The following SQLE variants were observed in gnomAD, a reference collection of about 807,000 sequenced individuals.
SQLE encodes the protein squalene epoxidase, also known as squalene monooxygenase.
Under a neutral mutation model 60.7 loss-of-function variants are expected in SQLE, and 29 were observed. The observed-to-expected ratio is 0.48, with a 90% CI of 0.36 to 0.65. SQLE has a LOEUF of 0.65. Among genes scored for constraint, SQLE ranks in the 30% least tolerant of loss-of-function variants. The pLI is 0.00. For synonymous variants in SQLE, 237 were observed against 246.8 expected (o/e 0.96, Z 0.37); for missense variants, 605 against 684.1 (o/e 0.88, Z 1.29).
intron 7 of SQLE, among the ~76,000 whole-genome samples, chr8:125,013,564 G>T (rs28431161): frequency 0.14 from 20,685 of 151,816 alleles, 3,145 homozygotes; most frequent in African/African-American, 0.38. Context: ...TGTTGGCCAG[G>T]CTGGTCTCAA....
chr8:125,012,016 A>G (rs1815046848), intron 7 of SQLE, among the ~76,000 whole-genome samples: 1 of 151,804 alleles, frequency 6.6e-6, no homozygotes, highest in South Asian at 2.1e-4. Flanking sequence ...TTCAGGAAAC[A>G]GTGGAAACAA....
At position 124,998,893 on chromosome 8, in the gene SQLE, C is replaced by G. The variant is rs528558033; in HGVS notation, c.-511C>G. On this transcript the variant is annotated 5_prime_UTR_variant, in exon 1 of 11. Coordinates refer to ENST00000265896, the MANE Select transcript of SQLE (RefSeq NM_003129.4). ...TGAACCCGCGCCGGCCCGCAGCCCC[C>G]GTGCCTTCCGGCCGCTGCTCGCCGT... 4.5e-5 allele frequency: 17 copies of G among 374,836 alleles called. No homozygotes were observed. The South Asian group carries it at 1.3e-3, about 29-fold the overall frequency. The allele number at this position is 374,836 out of a possible 1,614,324, so 23.2% of individuals were successfully genotyped here.
intron 7 of SQLE, among the ~76,000 whole-genome samples, chr8:125,013,861 C>A (rs1815074654): frequency 6.6e-6 from 1 of 151,980 alleles, no homozygotes; most frequent in East Asian, 1.9e-4. Context: ...GTCAAAATTC[C>A]CTTGACTGAA....
Position 124,999,446 on chromosome 8 carries a change from A to G in SQLE, c.43A>G (p.Lys15Glu), listed in dbSNP as rs1464674083. Residue 15 changes from lysine to glutamate, a missense_variant, in exon 1 of 11, where the codon AAG becomes GAG. Physicochemically the swap from Lys to Glu is moderately conservative, Grantham distance 56 (BLOSUM62 1). Coordinates refer to ENST00000265896, the MANE Select transcript of SQLE (RefSeq NM_003129.4). ...LGIATFTYFY[K>E]KFGDFITLAN... ...CATTGCCACTTTCACCTATTTTTATAAGAAGTTCGGGGACTTCATCACTTT... is the reference window on the plus strand; with the variant it reads ...CATTGCCACTTTCACCTATTTTTATGAGAAGTTCGGGGACTTCATCACTTT... 6.5e-7 allele frequency: 1 copy of G among 1,530,242 alleles called. No homozygotes were observed. The highest frequency in any genetic ancestry group is 2.3e-5 in the East Asian group (1 of 42,874). The allele number at this position is 1,530,242 out of a possible 1,614,324, so 94.8% of individuals were successfully genotyped here.
At chr8:125,008,698 A>G (rs887199596) in intron 4 of SQLE, among the ~76,000 whole-genome samples, 5 of 152,152 alleles carry the variant, frequency 3.3e-5, no homozygotes, top group Non-Finnish European at 5.9e-5. Flanking sequence ...TGTTTCCCCC[A>G]TTGTCTGTCA....
At chr8:125,001,328 T>A (rs759673647) in intron 1 of SQLE, among the ~76,000 whole-genome samples, 7 of 152,090 alleles carry the variant, frequency 4.6e-5, no homozygotes, top group Non-Finnish European at 1.0e-4. Flanking sequence ...GCTTTCTCTT[T>A]ATTTTTTTGT....
At chr8:125,000,025 G>A in intron 1 of SQLE, 1 of 496,668 alleles carries the variant, frequency 2.0e-6, no homozygotes, top group Non-Finnish European at 3.9e-6. Context: ...AAAAGTTCTT[G>A]GGTAAGGATT....
rs1392139138 is a variant in SQLE at position 124,999,605 on chromosome 8, G to A, written c.202G>A (p.Asp68Asn). The part of the protein sequence containing the change: ...QSGSQFALFS[D>N]ILSGLPFIGF... ...CGGCTCCCAGTTCGCCCTCTTCTCG[G>A]ATATTCTCTCAGGCCTGCCTTTCAT... The change falls in exon 1 of 11, where the codon GAT (aspartate) becomes AAT (asparagine). Residue 68 changes from aspartate (D) to asparagine (N), a missense_variant. Asp to Asn is a conservative substitution (Grantham distance 23). Coordinates refer to ENST00000265896, the MANE Select transcript of SQLE (RefSeq NM_003129.4). The A allele has an allele frequency of 2.5e-6, 4 of 1,613,486 alleles. No homozygotes were observed. The African/African-American group carries it at 5.3e-5, about 22-fold the overall frequency.
At position 125,007,526 on chromosome 8, in the gene SQLE, TG is replaced by T. The variant is rs565126423; in HGVS notation, c.822+40del. The T allele has an allele frequency of 1.4e-4, 197 of 1,383,086 alleles. No individual in the cohort carries two copies. The African/African-American group carries it at 2.4e-3, about 17-fold the overall frequency. 85.7% of individuals were successfully genotyped at this position (1,383,086 alleles called of 1,614,324 possible). A position where few individuals can be genotyped will look rare whatever the true frequency, so the allele number is the denominator to read the frequency against. On this transcript the variant is annotated intron_variant, in intron 4 of 10. Coordinates refer to ENST00000265896, the MANE Select transcript of SQLE (RefSeq NM_003129.4). ...AATGTCACCTCTTCCTAAGAGATGT[TG>T]TTTTTCCTGCTTTTTCACTTACCCC...
chr8:125,020,888 C>G lies in SQLE; in HGVS notation c.1532+17C>G. ...GCTTTCTGTGTAAGTTGTGATGGCACAGAGGATACAAACCTGCCAGATTTT... is the reference window on the plus strand; with the variant it reads ...GCTTTCTGTGTAAGTTGTGATGGCAGAGAGGATACAAACCTGCCAGATTTT... On this transcript the variant is annotated intron_variant, in intron 10 of 10. Transcript: ENST00000265896. The G allele has an allele frequency of 1.3e-6, 2 of 1,587,804 alleles. No individual in the cohort carries two copies. The highest frequency in any genetic ancestry group is 2.2e-5 in the South Asian group (2 of 90,202).
chr8:125,010,343 C>T (rs1407538597), intron 6 of SQLE, among the ~76,000 whole-genome samples: 3 of 151,960 alleles, frequency 2.0e-5, no homozygotes, highest in Non-Finnish European at 4.4e-5. Context: ...TTTCATGGTA[C>T]AGTTTTTAGG....
intron 7 of SQLE, among the ~76,000 whole-genome samples, chr8:125,017,590 G>A (rs564775952): frequency 6.6e-6 from 1 of 152,256 alleles, no homozygotes; most frequent in East Asian, 1.9e-4. Flanking sequence ...GGGACCCCAG[G>A]AACCCACTTG....
chr8:125,019,091 A>C (rs996739453), intron 9 of SQLE: 29 of 177,604 alleles, frequency 1.6e-4, no homozygotes, highest in Non-Finnish European at 2.3e-5. Flanking sequence ...ACTAGTTTCA[A>C]TTTCTTTTTA....
chr8:125,020,938 T>G, intron 10 of SQLE, 67 bp downstream of exon 10: 2 of 1,063,372 alleles, frequency 1.9e-6, no homozygotes, highest in Non-Finnish European at 2.9e-6. Flanking sequence ...GTTGATGAAT[T>G]ACTGCAAATC....
intron 6 of SQLE, among the ~76,000 whole-genome samples, chr8:125,009,625 G>A (rs375520948): frequency 2.6e-5 from 4 of 151,948 alleles, no homozygotes; most frequent in African/African-American, 7.3e-5. Context: ...GAGAAACCCC[G>A]TCTCTACTAA....
rs142007037 is a variant in SQLE at position 125,014,509 on chromosome 8, GA to G, written c.1204+2878del. Among the ~76,000 whole-genome samples the G allele has an allele frequency of 6.9e-3, 1,045 of 152,060 alleles. 7 individuals carry two copies. The highest frequency in any genetic ancestry group is 0.024 in the African/African-American group (981 of 41,512). On this transcript the variant is annotated intron_variant, in intron 7 of 10. Transcript: ENST00000265896. ...AGATGCACTGTTAGGTTGTTTATTT[GA>G]TGTTTTCCTGCTTTTTTGATGTAGG...
At chr8:125,018,227 T>C (rs1815141793) in intron 8 of SQLE, 26 bp downstream of exon 8, 3 of 1,608,888 alleles carry the variant, frequency 1.9e-6, no homozygotes, top group Middle Eastern at 1.7e-4. Flanking sequence ...TTGACAAAAA[T>C]GTCTCAAAAT....
chr8:125,009,600 A>G (rs975110296), intron 6 of SQLE, among the ~76,000 whole-genome samples: 5 of 152,206 alleles, frequency 3.3e-5, no homozygotes, highest in Non-Finnish European at 7.3e-5. Flanking sequence ...GTTCAAGACC[A>G]GCCTGACCAA....
chr8:125,003,447 T>A lies in SQLE; in HGVS notation c.544+19T>A, dbSNP rs1355945749. ...CTTGGAGGTAGGTTCATATTGATTT[T>A]CAGGAGAGTTACGTGGTATGAACAA... is the stretch of plus-strand genomic sequence containing the variant. On this transcript the variant is annotated intron_variant, in intron 2 of 10. Transcript: ENST00000265896. 1 of 1,612,176 alleles carries A rather than the reference T, an allele frequency of 6.2e-7. No individual in the cohort carries two copies. The highest frequency in any genetic ancestry group is 1.1e-5 in the South Asian group (1 of 90,884).
Sources: allele counts gnomAD v4.1 joint callset (sites outside exome capture counted in the v4.1 genomes callset), GRCh38; gene constraint gnomAD v4.1.1; transcripts MANE v1.5; gene names NCBI Gene and HGNC (gene_info 2026-07-23, HGNC 2026-07-21).